DCC: variants seen among roughly 807,000 people sequenced by gnomAD.
DCC encodes the protein netrin receptor DCC.
Under a neutral mutation model 172.5 loss-of-function variants are expected in DCC, and 58 were observed. The observed-to-expected ratio is 0.34, with a 90% confidence interval of 0.27 to 0.42. The LOEUF (loss-of-function observed/expected upper bound fraction) is 0.42. Among genes scored for constraint, DCC ranks in the 10% least tolerant of loss-of-function variants. The probability of loss-of-function intolerance (pLI) is 1.00; values close to 1 mark genes in which losing one functional copy is unlikely to be tolerated. For missense variants in DCC, 1,740 were observed against 1,791.0 expected (o/e 0.97, Z 0.51); for synonymous variants, 709 against 644.5 (o/e 1.10, Z -1.52).
At chr18:53,444,780 C>T (rs1912496879) in intron 22 of DCC, among the ~76,000 whole-genome samples, 1 of 152,210 alleles carries the variant, frequency 6.6e-6, no homozygotes, top group African/African-American at 2.4e-5. Flanking sequence ...GTGCAACTTG[C>T]TTTATTCCAG....
intron 1 of DCC, among the ~76,000 whole-genome samples, chr18:52,513,357 C>T (rs1054350928): frequency 6.6e-6 from 1 of 152,124 alleles, no homozygotes; most frequent in Non-Finnish European, 1.5e-5. Flanking sequence ...AGATCTATAA[C>T]CTAATCTCTC....
intron 9 of DCC, among the ~76,000 whole-genome samples, chr18:53,180,028 G>A (rs2055171087): frequency 6.6e-6 from 1 of 152,112 alleles, no homozygotes; most frequent in Non-Finnish European, 1.5e-5. Flanking sequence ...CTGTAAAGAG[G>A]TATATCAAAA....
Position 52,765,114 on chromosome 18 carries a change from C to T in DCC, c.412+12740C>T, listed in dbSNP as rs149333395. The stretch of plus-strand genomic sequence containing the variant: ...TGTGATCTCAGCTCACTGCAACCTC[C>T]GCCTCCCAGGTTCAAGCCAAGTAAT... On this transcript the variant is annotated intron_variant, in intron 2 of 28. Coordinates refer to ENST00000442544, the MANE Select transcript of DCC (RefSeq NM_005215.4). Among the ~76,000 whole-genome samples the T allele has an allele frequency of 7.4e-3, 1,123 of 151,578 alleles. 22 individuals are homozygous for T. The highest frequency in any genetic ancestry group is 0.026 in the African/African-American group (1,054 of 41,302).
intron 1 of DCC, among the ~76,000 whole-genome samples, chr18:52,488,936 A>G (rs4940184): frequency 0.057 from 8,715 of 151,690 alleles, 311 homozygotes; most frequent in South Asian, 0.12. Flanking sequence ...TCAACAAACC[A>G]CCTTTCCCCG....
chr18:53,317,990 C>T (rs1441080784), intron 13 of DCC, among the ~76,000 whole-genome samples: 7 of 151,950 alleles, frequency 4.6e-5, no homozygotes, highest in Non-Finnish European at 2.9e-5. Context: ...TTCATTTCTG[C>T]TCTGATCTTA....
intron 13 of DCC, among the ~76,000 whole-genome samples, chr18:53,312,100 G>C (rs906679889): frequency 7.5e-5 from 11 of 146,744 alleles, no homozygotes; most frequent in African/African-American, 2.5e-4. Flanking sequence ...ACGAGGTCAA[G>C]AGATCGAGAC....
intron 7 of DCC, among the ~76,000 whole-genome samples, chr18:53,089,434 T>C (rs2042970538): frequency 6.6e-6 from 1 of 152,156 alleles, no homozygotes; most frequent in Non-Finnish European, 1.5e-5. Context: ...GCCTTGTGTC[T>C]ACTTCTGCCT....
At chr18:52,831,181 A>G (rs7241166) in intron 2 of DCC, among the ~76,000 whole-genome samples, 25,539 of 152,116 alleles carry the variant, frequency 0.17, 2,976 homozygotes, top group African/African-American at 0.33. Flanking sequence ...AGGCATAAAC[A>G]TGACGGTCAT....
chr18:53,423,797 C>G (rs1310037306), intron 21 of DCC, among the ~76,000 whole-genome samples: 2 of 152,134 alleles, frequency 1.3e-5, no homozygotes, highest in African/African-American at 4.8e-5. Context: ...ATTGTCATCC[C>G]TACCTCCCTA....
At chr18:53,283,271 G>C (rs551248284) in intron 12 of DCC, among the ~76,000 whole-genome samples, 1 of 152,220 alleles carries the variant, frequency 6.6e-6, no homozygotes, top group African/African-American at 2.4e-5. Context: ...TGATAAAATA[G>C]GGATAGTCAA....
At chr18:52,974,987 A>T (rs183240400) in intron 5 of DCC, among the ~76,000 whole-genome samples, 150 of 152,298 alleles carry the variant, frequency 9.8e-4, no homozygotes, top group African/African-American at 3.5e-3. Context: ...TTTCTACTCT[A>T]TATTATACTC....
chr18:52,980,070 C>T (rs1352216175), intron 5 of DCC, among the ~76,000 whole-genome samples: 1 of 152,132 alleles, frequency 6.6e-6, no homozygotes, highest in East Asian at 1.9e-4. Flanking sequence ...CTGCCCCCGC[C>T]ACCCCCAACT....
At chr18:52,616,332 A>G (rs750264891) in intron 1 of DCC, among the ~76,000 whole-genome samples, 5 of 152,092 alleles carry the variant, frequency 3.3e-5, no homozygotes, top group Non-Finnish European at 5.9e-5. Context: ...AGACGGGACT[A>G]TCATATTTTA....
intron 7 of DCC, among the ~76,000 whole-genome samples, chr18:53,133,425 A>G (rs1252403482): frequency 1.3e-5 from 2 of 152,196 alleles, no homozygotes; most frequent in African/African-American, 4.8e-5. Context: ...AGATTTAAAG[A>G]TGAGTCCACA....
chr18:53,033,790 C>T (rs1470178356), intron 5 of DCC, among the ~76,000 whole-genome samples: 1 of 152,108 alleles, frequency 6.6e-6, no homozygotes, highest in African/African-American at 2.4e-5. Flanking sequence ...TACTATAAAA[C>T]TTCTCTATAA....
At chr18:53,454,890 T>C (rs1472197717) in intron 23 of DCC, among the ~76,000 whole-genome samples, 1 of 152,212 alleles carries the variant, frequency 6.6e-6, no homozygotes, top group Non-Finnish European at 1.5e-5. Context: ...CATTATATCT[T>C]AATTCCATCT....
intron 16 of DCC, among the ~76,000 whole-genome samples, chr18:53,390,084 C>T (rs929091740): frequency 3.9e-5 from 6 of 152,260 alleles, no homozygotes; most frequent in Admixed American, 3.9e-4. Flanking sequence ...CTACACAAAC[C>T]GATGAATGAT....
chr18:52,800,980 C>A (rs1445018753), intron 2 of DCC, among the ~76,000 whole-genome samples: 2 of 152,086 alleles, frequency 1.3e-5, no homozygotes, highest in Non-Finnish European at 2.9e-5. Context: ...GAGATAGGAG[C>A]CTTTCTTCAG....
chr18:52,408,859 C>T (rs1986747375), intron 1 of DCC, among the ~76,000 whole-genome samples: 1 of 152,048 alleles, frequency 6.6e-6, no homozygotes, highest in Non-Finnish European at 1.5e-5. Context: ...CTTCTGAGTT[C>T]TCTTTAAAGG....
Sources: allele counts gnomAD v4.1 joint callset (sites outside exome capture counted in the v4.1 genomes callset), GRCh38; gene constraint gnomAD v4.1.1; transcripts MANE v1.5; gene names NCBI Gene and HGNC (gene_info 2026-07-23, HGNC 2026-07-21).